Variants in PRKCE observed in about 807,000 individuals in gnomAD.
PRKCE encodes protein kinase C epsilon, also known as protein kinase C epsilon type.
In PRKCE, 16 loss-of-function variants were observed where a neutral mutation model predicts 85.4. The ratio of observed to expected loss-of-function variants is 0.19; its 90% CI spans 0.13 to 0.28. The LOEUF (loss-of-function observed/expected upper bound fraction) is 0.28, where lower values mean the gene tolerates loss of function less well. Among genes scored for constraint, PRKCE ranks in the 10% least tolerant of loss-of-function variants. PRKCE has a pLI of 1.00. For synonymous variants in PRKCE, 388 were observed against 371.5 expected, an observed-to-expected ratio of 1.04 and a Z score of -0.51; for missense variants, 573 against 975.2, an observed-to-expected ratio of 0.59 and a Z score of 5.49.
chr2:45,807,050 T>C (rs1688299046), intron 1 of PRKCE, among the ~76,000 whole-genome samples: 3 of 152,128 alleles, frequency 2.0e-5, no homozygotes, highest in African/African-American at 7.2e-5. Context: ...GGACAGGCTG[T>C]GGGATTCAGG....
intron 1 of PRKCE, among the ~76,000 whole-genome samples, chr2:45,744,624 T>C (rs1682988874): frequency 1.3e-5 from 2 of 151,394 alleles, no homozygotes; most frequent in Admixed American, 1.3e-4. Flanking sequence ...TTCTTTCTTT[T>C]GGAGACAGAG....
At chr2:45,859,487 TA>T (rs1203487668) in intron 2 of PRKCE, among the ~76,000 whole-genome samples, 3 of 152,372 alleles carry the variant, frequency 2.0e-5, no homozygotes, top group Admixed American at 1.3e-4. Flanking sequence ...TATTTGGTAT[TA>T]TCAGACTTTT....
intron 10 of PRKCE, among the ~76,000 whole-genome samples, chr2:46,085,685 G>T (rs1385811726): frequency 1.4e-5 from 2 of 138,866 alleles, no homozygotes; most frequent in Admixed American, 1.5e-4. Context: ...TGGTAATCCA[G>T]GATAACCTCC....
intron 1 of PRKCE, among the ~76,000 whole-genome samples, chr2:45,703,843 A>G (rs1331724131): frequency 2.0e-5 from 3 of 152,254 alleles, no homozygotes; most frequent in African/African-American, 7.2e-5. Flanking sequence ...ATAACAAAAA[A>G]ATTCCTATTC....
chr2:45,720,616 G>T lies in PRKCE; in HGVS notation c.348+68168G>T, dbSNP rs113748389. 3.3e-3 allele frequency among the ~76,000 whole-genome samples: 497 copies of T among 152,250 alleles called. 2 individuals carry two copies. The highest frequency in any genetic ancestry group is 0.011 in the African/African-American group (464 of 41,562). On this transcript the variant is annotated intron_variant, in intron 1 of 14. Transcript: ENST00000306156. ...TTCCAAATGTTCCCCTGGGAGGGCA[G>T]TACTGTCCTCTGGTGAGACCCAAAC...
At chr2:46,063,938 G>A (rs1023812506) in intron 10 of PRKCE, among the ~76,000 whole-genome samples, 10 of 152,230 alleles carry the variant, frequency 6.6e-5, no homozygotes, top group Admixed American at 1.3e-4. Context: ...CTATCATCAG[G>A]TGTTAGGCCT....
rs182165552 is a variant in PRKCE, at chr2:45,757,628, T to G, written c.349-85372T>G. Among the ~76,000 whole-genome samples, 21 of 152,226 alleles carry G rather than the reference T, an allele frequency of 1.4e-4. No homozygotes were observed. In the East Asian group the frequency reaches 2.3e-3, roughly 17 times the overall value. On this transcript the variant is annotated intron_variant, in intron 1 of 14. Coordinates refer to ENST00000306156, the MANE Select transcript of PRKCE (RefSeq NM_005400.3). ...GTTACAGTGGCCATGATCACAACAC[T>G]GCACTCCAGCCTGGGTGACAGAGCA...
At chr2:46,031,564 C>T (rs1346669449) in intron 10 of PRKCE, among the ~76,000 whole-genome samples, 1 of 151,874 alleles carries the variant, frequency 6.6e-6, no homozygotes. Context: ...GGCAGACACA[C>T]AGTCTTCTAC....
At chr2:45,797,863 C>G (rs1558683279) in intron 1 of PRKCE, among the ~76,000 whole-genome samples, 1 of 152,190 alleles carries the variant, frequency 6.6e-6, no homozygotes, top group Non-Finnish European at 1.5e-5. Flanking sequence ...GGGATCCAGG[C>G]CTTCTCATGG....
At chr2:45,761,919 C>G (rs554557036) in intron 1 of PRKCE, among the ~76,000 whole-genome samples, 9 of 152,244 alleles carry the variant, frequency 5.9e-5, no homozygotes, top group South Asian at 4.2e-4. Flanking sequence ...GTTTTTAAAG[C>G]CTCCTTGCCC....
chr2:46,120,937 T>A (rs570596129), intron 11 of PRKCE, among the ~76,000 whole-genome samples: 132 of 152,300 alleles, frequency 8.7e-4, no homozygotes, highest in African/African-American at 3.1e-3. Context: ...CTCACAGCTG[T>A]TACGTTTGTT....
At chr2:45,986,030 A>G (rs1703296976) in intron 6 of PRKCE, among the ~76,000 whole-genome samples, 1 of 152,258 alleles carries the variant, frequency 6.6e-6, no homozygotes, top group Non-Finnish European at 1.5e-5. Flanking sequence ...GAGGGTGGGT[A>G]CCAACATCCA....
chr2:45,824,176 A>T (rs183470222), intron 1 of PRKCE, among the ~76,000 whole-genome samples: 2 of 152,358 alleles, frequency 1.3e-5, no homozygotes, highest in Admixed American at 1.3e-4. Context: ...AGAATCAGGG[A>T]TAATTTGCAG....
intron 1 of PRKCE, among the ~76,000 whole-genome samples, chr2:45,832,516 T>C (rs1423760214): frequency 6.6e-6 from 1 of 152,168 alleles, no homozygotes; most frequent in Admixed American, 6.5e-5. Context: ...TTTCGCCATA[T>C]TGGCCAAGCT....
chr2:45,963,627 CTCTG>C (rs1198677846), intron 2 of PRKCE, among the ~76,000 whole-genome samples: 2 of 152,086 alleles, frequency 1.3e-5, no homozygotes, highest in South Asian at 2.1e-4. Context: ...CTCTTTTATC[CTCTG>C]TCTTTCTCCA....
intron 1 of PRKCE, among the ~76,000 whole-genome samples, chr2:45,733,230 C>G (rs1249458393): frequency 3.3e-5 from 5 of 152,160 alleles, no homozygotes; most frequent in Non-Finnish European, 7.3e-5. Context: ...TTGCTTCCCA[C>G]CTTTCCCCTG....
intron 11 of PRKCE, among the ~76,000 whole-genome samples, chr2:46,124,674 C>A (rs1326774573): frequency 1.3e-5 from 2 of 152,134 alleles, no homozygotes; most frequent in Admixed American, 6.6e-5. Context: ...ATTCTTTGTA[C>A]CCAACACTTC....
At chr2:45,841,625 T>A (rs1013989128) in intron 1 of PRKCE, among the ~76,000 whole-genome samples, 18 of 152,178 alleles carry the variant, frequency 1.2e-4, no homozygotes, top group Non-Finnish European at 2.4e-4. Flanking sequence ...GGCAGCACCC[T>A]CACAGACACA....
chr2:45,672,500 T>C (rs1435715427), intron 1 of PRKCE, among the ~76,000 whole-genome samples: 1 of 152,236 alleles, frequency 6.6e-6, no homozygotes, highest in East Asian at 1.9e-4. Flanking sequence ...CCTGTCAGTT[T>C]ATTGGTCATA....
Sources: allele counts gnomAD v4.1 joint callset (sites outside exome capture counted in the v4.1 genomes callset), GRCh38; gene constraint gnomAD v4.1.1; transcripts MANE v1.5; gene names NCBI Gene and HGNC (gene_info 2026-07-23, HGNC 2026-07-21).